Variants in TUSC3 observed in about 807,000 individuals in gnomAD.
TUSC3 encodes the protein tumor suppressor candidate 3.
In TUSC3, 45 loss-of-function variants were observed where a neutral mutation model predicts 44.8. The ratio of observed to expected loss-of-function variants is 1.00; its 90% CI spans 0.79 to 1.29. The LOEUF (loss-of-function observed/expected upper bound fraction) is 1.29. TUSC3 is among the 50% of genes most tolerant of loss of function. The pLI is 0.00. For synonymous variants in TUSC3, 212 were observed against 152.9 expected (o/e 1.39, Z -2.85); for missense variants, 519 against 437.9 (o/e 1.19, Z -1.65).
rs1470121014 is a variant in TUSC3 at position 15,765,518 on chromosome 8, G to A, written c.*1362G>A. Reference sequence around the variant, plus strand: ...ACTTAAATCTGTGAATTTCAATGAAGAATGGGAATATAAAGGCCTACTGGG... The same window carrying A: ...ACTTAAATCTGTGAATTTCAATGAAAAATGGGAATATAAAGGCCTACTGGG... On this transcript the variant is annotated 3_prime_UTR_variant, in exon 11 of 11. Coordinates refer to ENST00000503731, the MANE Select transcript of TUSC3 (RefSeq NM_006765.4). 1 of 151,966 alleles carries A rather than the reference G, an allele frequency of 6.6e-6. No individual in the cohort carries two copies. The highest frequency in any genetic ancestry group is 1.9e-4 in the East Asian group (1 of 5,176). 9.4% of individuals were successfully genotyped at this position (151,966 alleles called of 1,614,324 possible).
intron 10 of TUSC3, chr8:15,758,161 G>A: frequency 9.2e-7 from 1 of 1,090,566 alleles, no homozygotes; most frequent in Non-Finnish European, 1.1e-6. Context: ...GGGAAAAAAG[G>A]CAGTCAACAA....
At chr8:15,439,683 G>A (rs1477520991) in intron 1 of TUSC3, among the ~76,000 whole-genome samples, 1 of 152,208 alleles carries the variant, frequency 6.6e-6, no homozygotes, top group African/African-American at 2.4e-5. Context: ...TAGATCTCAA[G>A]TGCTTTAAAT....
intron 1 of TUSC3, among the ~76,000 whole-genome samples, chr8:15,476,914 C>A (rs533856320): frequency 1.1e-4 from 16 of 152,310 alleles, no homozygotes; most frequent in African/African-American, 3.8e-4. Flanking sequence ...ATGCAAACAT[C>A]TGATTTGTTG....
chr8:15,776,717 G>A, the TUSC3 span, among the ~76,000 whole-genome samples: 13 of 152,130 alleles, frequency 8.5e-5, no homozygotes, highest in African/African-American at 1.2e-4. Flanking sequence ...TATCACTTAA[G>A]TAACTTTATT....
intron 8 of TUSC3, among the ~76,000 whole-genome samples, chr8:15,747,298 A>G (rs982452401): frequency 2.6e-5 from 4 of 151,870 alleles, no homozygotes; most frequent in Admixed American, 6.6e-5. Flanking sequence ...ATCTTTCTCT[A>G]TTTTACAAAT....
intron 1 of TUSC3, among the ~76,000 whole-genome samples, chr8:15,421,295 G>T (rs117848049): frequency 0.016 from 2,469 of 151,964 alleles, 36 homozygotes; most frequent in Non-Finnish European, 0.024. Context: ...TATCACATCC[G>T]ACTCTATTAC....
At chr8:15,437,174 C>T (rs1226319356) in intron 1 of TUSC3, among the ~76,000 whole-genome samples, 1 of 152,036 alleles carries the variant, frequency 6.6e-6, no homozygotes, top group Non-Finnish European at 1.5e-5. Flanking sequence ...TCATTAGTCC[C>T]ATAGTAATTG....
intron 2 of TUSC3, among the ~76,000 whole-genome samples, chr8:15,515,024 A>G (rs926990973): frequency 1.8e-4 from 28 of 152,150 alleles, no homozygotes; most frequent in Non-Finnish European, 1.2e-4. Flanking sequence ...CTATCAATAC[A>G]TGTTTTTGTT....
At chr8:15,594,905 G>A (rs946588711) in intron 1 of TUSC3, among the ~76,000 whole-genome samples, 1 of 152,152 alleles carries the variant, frequency 6.6e-6, no homozygotes. Context: ...AACTTCATGG[G>A]ACAGATGGAG....
intron 3 of TUSC3, among the ~76,000 whole-genome samples, chr8:15,657,304 T>C (rs1807217918): frequency 6.6e-6 from 1 of 152,194 alleles, no homozygotes; most frequent in African/African-American, 2.4e-5. Flanking sequence ...TCTTCTATTT[T>C]ATTATATGCA....
chr8:15,507,388 A>T (rs568570985), intron 2 of TUSC3, among the ~76,000 whole-genome samples: 1 of 152,298 alleles, frequency 6.6e-6, no homozygotes, highest in African/African-American at 2.4e-5. Context: ...TTCATGCCTT[A>T]TCAAAATCCT....
the TUSC3 span, among the ~76,000 whole-genome samples, chr8:15,838,264 G>T: frequency 1.3e-5 from 2 of 152,066 alleles, no homozygotes; most frequent in African/African-American, 4.8e-5. Flanking sequence ...GCATTTATGG[G>T]GATATTCACC....
At chr8:15,674,083 T>C (rs761540050) in intron 6 of TUSC3, among the ~76,000 whole-genome samples, 2 of 152,016 alleles carry the variant, frequency 1.3e-5, no homozygotes, top group Non-Finnish European at 2.9e-5. Flanking sequence ...ATATCAAATA[T>C]ACATGCATTC....
At chr8:15,569,799 A>G (rs79558318) in intron 1 of TUSC3, among the ~76,000 whole-genome samples, 1,914 of 152,168 alleles carry the variant, frequency 0.013, 39 homozygotes, top group African/African-American at 0.043. Context: ...GTCTGTTTGT[A>G]TTCAAATACC....
At chr8:15,523,216 G>C (rs1801321764) in intron 2 of TUSC3, among the ~76,000 whole-genome samples, 1 of 152,132 alleles carries the variant, frequency 6.6e-6, no homozygotes, top group Non-Finnish European at 1.5e-5. Context: ...GAGATCGTCT[G>C]AGTTGAGGTA....
the TUSC3 span, among the ~76,000 whole-genome samples, chr8:15,833,568 T>A: frequency 6.6e-6 from 1 of 152,152 alleles, no homozygotes. Context: ...GCCATTATCC[T>A]TAGCCAATCA....
At chr8:15,434,625 C>T (rs1209038526) in intron 1 of TUSC3, among the ~76,000 whole-genome samples, 3 of 150,278 alleles carry the variant, frequency 2.0e-5, no homozygotes, top group East Asian at 2.0e-4. Context: ...TGGTGTGCTG[C>T]ACCCATTAAC....
At chr8:15,585,245 G>T (rs1309088478) in intron 1 of TUSC3, among the ~76,000 whole-genome samples, 1 of 152,092 alleles carries the variant, frequency 6.6e-6, no homozygotes, top group African/African-American at 2.4e-5. Flanking sequence ...TAGATCCATG[G>T]CATTTGAAGT....
At chr8:15,590,248 T>G (rs1166806533) in intron 1 of TUSC3, among the ~76,000 whole-genome samples, 1 of 152,188 alleles carries the variant, frequency 6.6e-6, no homozygotes, top group Non-Finnish European at 1.5e-5. Flanking sequence ...CTTTATGTCT[T>G]TAAGTCTTTA....
Sources: gnomAD v4.1 joint callset for allele counts (sites outside exome capture counted in the v4.1 genomes callset) on GRCh38, gnomAD v4.1.1 for gene constraint, MANE v1.5 for transcripts, NCBI Gene and HGNC (gene_info 2026-07-23, HGNC 2026-07-21) for gene names.